SPAG16: variants seen among roughly 807,000 people sequenced by gnomAD.
SPAG16 encodes the protein sperm associated antigen 16.
Under a neutral mutation model 80.4 loss-of-function variants are expected in SPAG16, and 86 were observed. The observed-to-expected ratio is 1.07, with a 90% CI of 0.90 to 1.28. The LOEUF is 1.28. SPAG16 is among the 50% of genes most tolerant of loss of function. The pLI is 0.00. For synonymous variants in SPAG16, 294 were observed against 265.9 expected (o/e 1.11, Z -1.03); for missense variants, 870 against 765.3 (o/e 1.14, Z -1.61).
intron 10 of SPAG16, among the ~76,000 whole-genome samples, chr2:213,562,263 G>A (rs1489113480): frequency 6.6e-6 from 1 of 152,082 alleles, no homozygotes; most frequent in African/African-American, 2.4e-5. Context: ...TTTGATTTTT[G>A]TTCTGAAATT....
At chr2:213,909,486 G>A (rs913798487) in intron 11 of SPAG16, among the ~76,000 whole-genome samples, 2 of 152,042 alleles carry the variant, frequency 1.3e-5, no homozygotes, top group African/African-American at 4.8e-5. Flanking sequence ...ATACTACAAG[G>A]CTACAGTAAC....
At chr2:213,724,005 C>T (rs1426389140) in intron 10 of SPAG16, among the ~76,000 whole-genome samples, 1 of 152,146 alleles carries the variant, frequency 6.6e-6, no homozygotes, top group Non-Finnish European at 1.5e-5. Flanking sequence ...AAAGATAAAC[C>T]ACAGGCACAT....
intron 13 of SPAG16, among the ~76,000 whole-genome samples, chr2:214,040,411 T>C (rs2048944385): frequency 6.6e-6 from 1 of 152,194 alleles, no homozygotes; most frequent in African/African-American, 2.4e-5. Flanking sequence ...TATTCATTAG[T>C]TGTTTTTCCT....
chr2:213,767,854 T>C (rs1244128123), intron 10 of SPAG16, among the ~76,000 whole-genome samples: 3 of 152,182 alleles, frequency 2.0e-5, no homozygotes, highest in Admixed American at 2.0e-4. Flanking sequence ...CTTTGAGTGA[T>C]AAAATGGTAC....
At chr2:213,497,670 A>G (rs1046086238) in intron 10 of SPAG16, among the ~76,000 whole-genome samples, 3 of 152,098 alleles carry the variant, frequency 2.0e-5, no homozygotes, top group Non-Finnish European at 4.4e-5. Flanking sequence ...TGGCCATACT[A>G]TAATTATATA....
chr2:213,336,774 A>G (rs141428394), intron 5 of SPAG16, among the ~76,000 whole-genome samples: 2 of 152,270 alleles, frequency 1.3e-5, no homozygotes, highest in Non-Finnish European at 2.9e-5. Flanking sequence ...CAGCTACGGT[A>G]TCATGGATCA....
chr2:213,329,981 G>A (rs1051469683), intron 5 of SPAG16, among the ~76,000 whole-genome samples: 3 of 152,248 alleles, frequency 2.0e-5, no homozygotes, highest in African/African-American at 7.2e-5. Context: ...GCTTCCATGT[G>A]ATGTTGAGCC....
At chr2:214,171,180 T>C (rs2056856413) in intron 15 of SPAG16, among the ~76,000 whole-genome samples, 1 of 151,910 alleles carries the variant, frequency 6.6e-6, no homozygotes, top group Non-Finnish European at 1.5e-5. Flanking sequence ...GAGATAATTT[T>C]CTGTACCTCA....
intron 10 of SPAG16, among the ~76,000 whole-genome samples, chr2:213,533,465 T>C (rs1360011436): frequency 6.6e-6 from 1 of 152,200 alleles, no homozygotes; most frequent in African/African-American, 2.4e-5. Flanking sequence ...AGACACTTGC[T>C]CTAACACAAT....
intron 9 of SPAG16, among the ~76,000 whole-genome samples, chr2:213,397,935 C>A (rs1370830349): frequency 6.6e-6 from 1 of 152,124 alleles, no homozygotes; most frequent in Non-Finnish European, 1.5e-5. Context: ...TTACTGAACA[C>A]CTCCAGTTAA....
chr2:214,024,109 A>G (rs904076340), intron 13 of SPAG16, among the ~76,000 whole-genome samples: 7 of 151,686 alleles, frequency 4.6e-5, no homozygotes, highest in African/African-American at 1.7e-4. Context: ...AGAATAAAAT[A>G]TTCTTAATAC....
At chr2:213,965,426 A>G (rs1438513933) in intron 12 of SPAG16, among the ~76,000 whole-genome samples, 1 of 152,184 alleles carries the variant, frequency 6.6e-6, no homozygotes, top group Non-Finnish European at 1.5e-5. Context: ...ATTAGACTCC[A>G]TTAATTTGTA....
intron 10 of SPAG16, among the ~76,000 whole-genome samples, chr2:213,496,269 T>G (rs2074483680): frequency 6.6e-6 from 1 of 152,022 alleles, no homozygotes; most frequent in Admixed American, 6.6e-5. Flanking sequence ...TCTGTTGGGC[T>G]GGTTGTGGAG....
chr2:214,367,661 ATACT>A (rs1370521931), intron 15 of SPAG16, among the ~76,000 whole-genome samples: 9 of 152,168 alleles, frequency 5.9e-5, no homozygotes, highest in Admixed American at 1.3e-4. Context: ...TACTCCCAAC[ATACT>A]TTTTAAAAAT....
At chr2:213,577,381 C>T (rs538743108) in intron 10 of SPAG16, among the ~76,000 whole-genome samples, 1 of 152,254 alleles carries the variant, frequency 6.6e-6, no homozygotes, top group South Asian at 2.1e-4. Context: ...CCACAACTTA[C>T]ATTCCCTTTT....
chr2:213,777,347 A>G (rs1240271562), intron 10 of SPAG16, among the ~76,000 whole-genome samples: 1 of 146,466 alleles, frequency 6.8e-6, no homozygotes, highest in Non-Finnish European at 1.5e-5. Context: ...CCCAGGTTCA[A>G]GAGATTCTCC....
At chr2:213,648,227 G>C (rs1160375394) in intron 10 of SPAG16, among the ~76,000 whole-genome samples, 1 of 152,138 alleles carries the variant, frequency 6.6e-6, no homozygotes, top group African/African-American at 2.4e-5. Context: ...ACAGATGGCA[G>C]AGCAGGTTTG....
At chr2:214,015,581 A>G (rs2124973882) in intron 13 of SPAG16, among the ~76,000 whole-genome samples, 1 of 146,246 alleles carries the variant, frequency 6.8e-6, no homozygotes, top group Non-Finnish European at 1.5e-5. Context: ...CTGGGCAACA[A>G]GGGCAAAACT....
chr2:214,381,803 T>C (rs1245990107), intron 15 of SPAG16, among the ~76,000 whole-genome samples: 3 of 152,134 alleles, frequency 2.0e-5, no homozygotes, highest in African/African-American at 4.8e-5. Flanking sequence ...ACAAAAACAC[T>C]CTATTAGATG....
Sources: gnomAD v4.1 joint callset for allele counts (sites outside exome capture counted in the v4.1 genomes callset) on GRCh38, gnomAD v4.1.1 for gene constraint, MANE v1.5 for transcripts, NCBI Gene and HGNC (gene_info 2026-07-23, HGNC 2026-07-21) for gene names.